SGCZ: variants seen among roughly 807,000 people sequenced by gnomAD.
SGCZ encodes the protein sarcoglycan zeta.
SGCZ carries 40 observed loss-of-function variants against 41.3 expected under a neutral mutation model. The ratio of observed to expected loss-of-function variants is 0.97; its 90% CI spans 0.75 to 1.26. The LOEUF (loss-of-function observed/expected upper bound fraction) is 1.26, where lower values mean the gene tolerates loss of function less well. SGCZ is among the 50% of genes most tolerant of loss of function. The pLI is 0.00. For missense variants in SGCZ, 552 were observed against 369.8 expected (o/e 1.49, Z -4.04); for synonymous variants, 206 against 137.5 (o/e 1.50, Z -3.49).
chr8:14,658,862 G>A (rs947997635), intron 1 of SGCZ, among the ~76,000 whole-genome samples: 2 of 151,236 alleles, frequency 1.3e-5, no homozygotes, highest in Admixed American at 1.3e-4. Context: ...TTGAAGGAGG[G>A]AAGGAAAAAA....
chr8:14,687,344 C>A (rs927460524), intron 1 of SGCZ, among the ~76,000 whole-genome samples: 3 of 147,954 alleles, frequency 2.0e-5, no homozygotes, highest in Admixed American at 6.8e-5. Flanking sequence ...TCCCTCCCCC[C>A]TCCCCACACC....
intron 1 of SGCZ, among the ~76,000 whole-genome samples, chr8:14,870,365 G>A (rs1193002255): frequency 6.6e-6 from 1 of 152,104 alleles, no homozygotes; most frequent in Non-Finnish European, 1.5e-5. Context: ...AAATGTGGTT[G>A]GGAAAACTGG....
intron 7 of SGCZ, among the ~76,000 whole-genome samples, chr8:14,097,411 G>A (rs1801879566): frequency 6.6e-6 from 1 of 152,150 alleles, no homozygotes. Context: ...GATTTTGAGT[G>A]AGTTTCTTAA....
chr8:14,235,902 C>A (rs78442806), intron 4 of SGCZ, among the ~76,000 whole-genome samples: 1 of 152,124 alleles, frequency 6.6e-6, no homozygotes, highest in South Asian at 2.1e-4. Flanking sequence ...ACAGGATGAT[C>A]TCGATTTCTT....
intron 1 of SGCZ, among the ~76,000 whole-genome samples, chr8:15,209,010 T>A (rs901341275): frequency 2.0e-5 from 3 of 151,930 alleles, no homozygotes; most frequent in African/African-American, 7.3e-5. Context: ...TTCAGAGTGG[T>A]GTGGTAGAGG....
chr8:14,236,218 T>C (rs1442028289), intron 4 of SGCZ, among the ~76,000 whole-genome samples: 2 of 152,178 alleles, frequency 1.3e-5, no homozygotes, highest in East Asian at 3.9e-4. Context: ...CAGTTCTATA[T>C]CCATACACAT....
At chr8:14,144,698 C>T (rs1015276512) in intron 5 of SGCZ, among the ~76,000 whole-genome samples, 1 of 152,176 alleles carries the variant, frequency 6.6e-6, no homozygotes, top group Non-Finnish European at 1.5e-5. Flanking sequence ...AGCTCCAGGA[C>T]TTGACTCTTG....
At chr8:14,596,317 C>T (rs1394622094) in intron 1 of SGCZ, among the ~76,000 whole-genome samples, 3 of 151,980 alleles carry the variant, frequency 2.0e-5, no homozygotes, top group Non-Finnish European at 4.4e-5. Context: ...ATAATAATAC[C>T]ATAGATGATG....
chr8:14,754,640 G>T (rs1053895089), intron 1 of SGCZ, among the ~76,000 whole-genome samples: 1 of 152,164 alleles, frequency 6.6e-6, no homozygotes, highest in Non-Finnish European at 1.5e-5. Flanking sequence ...TATAATTGCA[G>T]AATAAATAAT....
At chr8:15,065,422 A>G (rs1316224873) in intron 1 of SGCZ, among the ~76,000 whole-genome samples, 6 of 82,032 alleles carry the variant, frequency 7.3e-5, no homozygotes, top group African/African-American at 3.2e-4. Context: ...TGTAATTATT[A>G]TTATTATTAT....
intron 1 of SGCZ, chr8:14,853,419 G>A: frequency 3.8e-6 from 2 of 529,058 alleles, no homozygotes; most frequent in South Asian, 1.4e-5. Flanking sequence ...GTCTCATGAG[G>A]TAAAGGCTAG....
chr8:14,317,001 G>T (rs34201730), intron 3 of SGCZ, among the ~76,000 whole-genome samples: 2 of 151,614 alleles, frequency 1.3e-5, no homozygotes, highest in Admixed American at 1.3e-4. Context: ...AGTGGCAATT[G>T]CTCAGACCAA....
chr8:14,296,418 A>G (rs2116959150), intron 3 of SGCZ, among the ~76,000 whole-genome samples: 1 of 152,326 alleles, frequency 6.6e-6, no homozygotes, highest in South Asian at 2.1e-4. Context: ...GATTTATATG[A>G]AGGATTAAAG....
intron 1 of SGCZ, among the ~76,000 whole-genome samples, chr8:14,820,413 G>C (rs747577891): frequency 6.6e-6 from 1 of 151,886 alleles, no homozygotes; most frequent in Non-Finnish European, 1.5e-5. Context: ...TAATAGTATA[G>C]GACTTGAGTT....
chr8:14,117,467 G>A (rs1292562440), intron 5 of SGCZ, among the ~76,000 whole-genome samples: 2 of 147,060 alleles, frequency 1.4e-5, no homozygotes, highest in African/African-American at 5.0e-5. Flanking sequence ...CATCTCACTG[G>A]GGAGTACTTG....
chr8:15,129,457 T>G (rs974921840), intron 1 of SGCZ, among the ~76,000 whole-genome samples: 1 of 152,142 alleles, frequency 6.6e-6, no homozygotes, highest in African/African-American at 2.4e-5. Flanking sequence ...TTAACTAAAA[T>G]TCTTCCAAGA....
At chr8:14,276,837 C>A (rs772320999) in intron 3 of SGCZ, among the ~76,000 whole-genome samples, 4 of 152,092 alleles carry the variant, frequency 2.6e-5, no homozygotes, top group East Asian at 3.9e-4. Context: ...AATATCCTCT[C>A]CATAGGGTGG....
At chr8:14,639,558 T>A (rs967423908) in intron 1 of SGCZ, among the ~76,000 whole-genome samples, 1 of 151,746 alleles carries the variant, frequency 6.6e-6, no homozygotes, top group Non-Finnish European at 1.5e-5. Flanking sequence ...ATAGTATTCA[T>A]AGTTAATATA....
chr8:14,504,456 T>A (rs1802245996), intron 2 of SGCZ, among the ~76,000 whole-genome samples: 2 of 152,226 alleles, frequency 1.3e-5, no homozygotes, highest in African/African-American at 4.8e-5. Context: ...AACCTAGATA[T>A]GCATTAGTAT....
Sources: gnomAD v4.1 joint callset for allele counts (sites outside exome capture counted in the v4.1 genomes callset) on GRCh38, gnomAD v4.1.1 for gene constraint, MANE v1.5 for transcripts, NCBI Gene and HGNC (gene_info 2026-07-23, HGNC 2026-07-21) for gene names.